The following ADGRL4 variants were observed in gnomAD, a reference collection of about 807,000 sequenced individuals.
ADGRL4 encodes EGF, latrophilin and seven transmembrane domain containing 1.
ADGRL4 carries 90 observed loss-of-function variants against 74.8 expected under a neutral mutation model. The ratio of observed to expected loss-of-function variants is 1.20; its 90% CI spans 1.02 to 1.43. The LOEUF (loss-of-function observed/expected upper bound fraction) is 1.43, where lower values mean the gene tolerates loss of function less well. Among genes scored for constraint, ADGRL4 ranks in the 40% most tolerant of loss-of-function variants. The pLI is 0.00. For synonymous variants in ADGRL4, 311 were observed against 279.2 expected (o/e 1.11, Z -1.14); for missense variants, 881 against 814.3 (o/e 1.08, Z -1.00).
chr1:78,980,185 T>C (rs548589812), intron 2 of ADGRL4, among the ~76,000 whole-genome samples: 2,263 of 151,110 alleles, frequency 0.015, 57 homozygotes, highest in African/African-American at 0.053. Context: ...CACAGACACA[T>C]ACACACACAC....
chr1:78,984,518 A>T (rs1650456703), intron 2 of ADGRL4, among the ~76,000 whole-genome samples: 1 of 151,746 alleles, frequency 6.6e-6, no homozygotes. Flanking sequence ...TCTTGACATG[A>T]CAGCAGTCAG....
At chr1:79,006,517 T>C in intron 1 of ADGRL4, 116 bp downstream of exon 1, 1 of 1,195,796 alleles carries the variant, frequency 8.4e-7, no homozygotes, top group Non-Finnish European at 1.2e-6. Context: ...TCAATTCTCC[T>C]CGGAGATTTT....
In ADGRL4 at chr1:78,936,073, G is replaced by A. The variant is rs1195058369; in HGVS notation, c.877+222C>T. Among the ~76,000 whole-genome samples the A allele has an allele frequency of 3.0e-5, 3 of 99,490 alleles. 1 individual carries two copies. The highest frequency in any genetic ancestry group is 6.6e-4 in the East Asian group (2 of 3,026). The allele number at this position is 99,490 out of a possible 152,430, so 65.3% of individuals were successfully genotyped here. Reference sequence around the variant, plus strand: ...CGGGAGGCGGAGCTTGCAGTGAGCCGAGATTGCGCCACTGCACTCCCGCCT... The same window carrying A: ...CGGGAGGCGGAGCTTGCAGTGAGCCAAGATTGCGCCACTGCACTCCCGCCT... On this transcript the variant is annotated intron_variant, in intron 7 of 14. Transcript: ENST00000370742.
intron 2 of ADGRL4, among the ~76,000 whole-genome samples, chr1:78,948,412 A>G (rs191823075): frequency 9.2e-5 from 14 of 152,062 alleles, no homozygotes; most frequent in Admixed American, 5.2e-4. Context: ...CACTTAAAAA[A>G]TTTAAAATTT....
At chr1:78,987,139 C>T (rs1650514614) in intron 2 of ADGRL4, among the ~76,000 whole-genome samples, 2 of 151,694 alleles carry the variant, frequency 1.3e-5, no homozygotes, top group Admixed American at 1.3e-4. Flanking sequence ...ATCTAAATCA[C>T]TATCTAATTG....
intron 7 of ADGRL4, among the ~76,000 whole-genome samples, 156 bp from the exon 8 acceptor site, chr1:78,927,247 C>T (rs1026359301): frequency 1.3e-5 from 2 of 151,996 alleles, no homozygotes; most frequent in African/African-American, 4.8e-5. Flanking sequence ...AAGCCTATGC[C>T]TGCATTGTTA....
intron 2 of ADGRL4, among the ~76,000 whole-genome samples, chr1:79,003,801 A>G (rs1029851141): frequency 6.6e-6 from 1 of 152,084 alleles, no homozygotes; most frequent in African/African-American, 2.4e-5. Flanking sequence ...TGTGAGATGC[A>G]GTATTTTGAA....
chr1:78,938,168 A>T lies in ADGRL4; in HGVS notation c.508T>A (p.Ser170Thr), dbSNP rs1299828258. 6.2e-7 allele frequency: 1 copy of T among 1,612,810 alleles called. No individual in the cohort carries two copies. The highest frequency in any genetic ancestry group is 8.5e-7 in the Non-Finnish European group (1 of 1,179,532). The change falls in exon 5 of 15, where the codon TCT becomes ACT. Residue 170 changes from serine (S) to threonine (T), a missense_variant. By Grantham distance (58) the Ser-to-Thr change is moderately conservative. Transcript: ENST00000370742. ...TTGTTCTTGTAACCTAGTAATGAAGATGATTCAGCTAATATTTCTATATAT... is the reference window on the plus strand; with the variant it reads ...TTGTTCTTGTAACCTAGTAATGAAGTTGATTCAGCTAATATTTCTATATAT... ...ITYIEILAES[S>T]SLLGYKNNTI...
chr1:78,899,941 G>A (rs1648484127), intron 12 of ADGRL4, among the ~76,000 whole-genome samples: 2 of 152,120 alleles, frequency 1.3e-5, no homozygotes, highest in African/African-American at 4.8e-5. Flanking sequence ...GGATATTACA[G>A]ATAGAATTAA....
chr1:78,936,259 A>G (rs766178764), intron 7 of ADGRL4, 36 bp downstream of exon 7: 65 of 1,563,390 alleles, frequency 4.2e-5, no homozygotes, highest in Non-Finnish European at 5.4e-5. Context: ...TTGCAAATTC[A>G]TTGATATATT....
chr1:78,920,443 A>C, intron 9 of ADGRL4, 57 bp from the exon 10 acceptor site: 1 of 1,048,036 alleles, frequency 9.5e-7, no homozygotes, highest in Non-Finnish European at 1.4e-6. Context: ...TTGTCAAAGG[A>C]ACTACAACAT....
At chr1:78,923,707 T>TC (rs1649048398) in intron 8 of ADGRL4, among the ~76,000 whole-genome samples, 1 of 151,576 alleles carries the variant, frequency 6.6e-6, no homozygotes, top group East Asian at 1.9e-4. Context: ...AAATCAGGAT[T>TC]GAAAAAATAA....
chr1:78,927,583 T>C (rs898664016), intron 7 of ADGRL4, among the ~76,000 whole-genome samples: 1 of 152,120 alleles, frequency 6.6e-6, no homozygotes, highest in Admixed American at 6.6e-5. Context: ...TTCTATTTAA[T>C]ATTGATAACA....
intron 12 of ADGRL4, among the ~76,000 whole-genome samples, chr1:78,901,945 T>C (rs1255970541): frequency 6.6e-6 from 1 of 152,146 alleles, no homozygotes; most frequent in East Asian, 1.9e-4. Context: ...GAGTGCAGTC[T>C]ACAATTATGT....
intron 2 of ADGRL4, among the ~76,000 whole-genome samples, chr1:78,969,710 T>G (rs1234108661): frequency 1.8e-4 from 13 of 73,978 alleles, no homozygotes; most frequent in South Asian, 3.5e-4. Flanking sequence ...TTTGTGGGTT[T>G]TTTTTTTTTT....
intron 2 of ADGRL4, among the ~76,000 whole-genome samples, chr1:78,967,958 C>A (rs1363371867): frequency 6.6e-6 from 1 of 152,030 alleles, no homozygotes; most frequent in Non-Finnish European, 1.5e-5. Flanking sequence ...TTCTTGACAC[C>A]TGGCTTTTCT....
At chr1:78,898,673 GTCAC>G (rs946058781) in intron 12 of ADGRL4, among the ~76,000 whole-genome samples, 52 of 152,124 alleles carry the variant, frequency 3.4e-4, no homozygotes, top group African/African-American at 1.2e-3. Context: ...AAGAAAAAAA[GTCAC>G]TCAAAGTCAT....
At chr1:78,923,883 C>T (rs2100674825) in intron 8 of ADGRL4, among the ~76,000 whole-genome samples, 1 of 151,836 alleles carries the variant, frequency 6.6e-6, no homozygotes, top group South Asian at 2.1e-4. Flanking sequence ...AAAAAGAGAG[C>T]AGAGATACTG....
rs1164611978 is a variant in ADGRL4, at chr1:78,889,793, G to A, written c.*1361C>T. On this transcript the variant is annotated 3_prime_UTR_variant, in exon 15 of 15. Transcript: ENST00000370742. ...TTTAGATAACATTTTATTTGTTAGA[G>A]CAAGATTTGGCAGACTTCATTTCAA... The A allele has an allele frequency of 6.6e-6, 3 of 454,776 alleles. No homozygotes were observed. The highest frequency in any genetic ancestry group is 2.0e-5 in the African/African-American group (1 of 49,424). 28.2% of individuals were successfully genotyped at this position (454,776 alleles called of 1,614,324 possible). A position where few individuals can be genotyped will look rare whatever the true frequency, so the allele number is the denominator to read the frequency against.
Sources: allele counts gnomAD v4.1 joint callset (sites outside exome capture counted in the v4.1 genomes callset), GRCh38; gene constraint gnomAD v4.1.1; transcripts MANE v1.5; gene names NCBI Gene and HGNC (gene_info 2026-07-23, HGNC 2026-07-21).